ZBTB7C: variants seen among roughly 807,000 people sequenced by gnomAD.
ZBTB7C encodes zinc finger and BTB domain-containing protein 7C.
A neutral mutation model predicts 25.7 loss-of-function variants in ZBTB7C; 8 were observed. The ratio of observed to expected loss-of-function variants is 0.31; its 90% CI spans 0.18 to 0.56. The LOEUF (loss-of-function observed/expected upper bound fraction) is 0.56. Among genes scored for constraint, ZBTB7C ranks in the 20% least tolerant of loss-of-function variants. ZBTB7C has a pLI of 0.91. For missense variants in ZBTB7C, 824 were observed against 855.2 expected (o/e 0.96, Z 0.46); for synonymous variants, 394 against 369.0 (o/e 1.07, Z -0.78).
chr18:48,299,724 T>C (rs2045495934), intron 2 of ZBTB7C, among the ~76,000 whole-genome samples: 1 of 152,190 alleles, frequency 6.6e-6, no homozygotes, highest in South Asian at 2.1e-4. Flanking sequence ...GATGGGAATA[T>C]GCCAGGCAGA....
chr18:48,230,404 C>T (rs970926128), intron 2 of ZBTB7C, among the ~76,000 whole-genome samples: 7 of 152,140 alleles, frequency 4.6e-5, no homozygotes, highest in East Asian at 3.9e-4. Context: ...AGCTCTCAGA[C>T]GGAATCCCTG....
At position 48,030,129 on chromosome 18, in the gene ZBTB7C, C is replaced by T. The variant is rs555935406; in HGVS notation, c.1209-218G>A. On this transcript the variant is annotated intron_variant, in intron 4 of 4. Transcript: ENST00000590800. ...AAAGGGATGCGGAAAAAGCAGTGTC[C>T]TGAAAGCCCCACTCCCCCAAACTCC... Among the ~76,000 whole-genome samples the T allele has an allele frequency of 7.9e-5, 12 of 152,274 alleles. 1 individual carries two copies. The highest frequency in any genetic ancestry group is 3.4e-3 in the Middle Eastern group (1 of 294).
intron 3 of ZBTB7C, among the ~76,000 whole-genome samples, chr18:48,066,346 G>A (rs2037329292): frequency 6.6e-6 from 1 of 152,242 alleles, no homozygotes; most frequent in African/African-American, 2.4e-5. Context: ...GTGCTGCCAA[G>A]CCCTGGGGGG....
intron 1 of ZBTB7C, among the ~76,000 whole-genome samples, chr18:48,355,562 T>C (rs2046959800): frequency 1.3e-5 from 2 of 152,156 alleles, no homozygotes; most frequent in South Asian, 4.1e-4. Context: ...GCAGACCTGC[T>C]CGGGGCTTCC....
At chr18:48,294,238 A>C (rs7245161) in intron 2 of ZBTB7C, among the ~76,000 whole-genome samples, 1 of 152,108 alleles carries the variant, frequency 6.6e-6, no homozygotes, top group Admixed American at 6.5e-5. Flanking sequence ...CGGAAGGCAC[A>C]ATGGGCAGAT....
chr18:48,151,499 C>T lies in ZBTB7C; in HGVS notation c.-17+34435G>A, dbSNP rs1402379545. On this transcript the variant is annotated intron_variant, in intron 3 of 4. Transcript: ENST00000590800. ...TTCAAAAGAGTCCGTCTCACCACAGCGCTGCCAGCATTTCAGTCTCCTCAC... is the reference window on the plus strand; with the variant it reads ...TTCAAAAGAGTCCGTCTCACCACAGTGCTGCCAGCATTTCAGTCTCCTCAC... Among the ~76,000 whole-genome samples, 7 of 152,166 alleles carry T rather than the reference C, an allele frequency of 4.6e-5. No individual in the cohort carries two copies. The South Asian group carries it at 1.0e-3, about 23-fold the overall frequency.
rs542565330 is a variant in ZBTB7C at position 48,136,923 on chromosome 18, C to G, written c.-17+49011G>C. 94 of 960,810 alleles carry G rather than the reference C, an allele frequency of 9.8e-5. No individual in the cohort carries two copies. The African/African-American group carries it at 1.5e-3, about 15-fold the overall frequency. The allele number at this position is 960,810 out of a possible 1,614,324, so 59.5% of individuals were successfully genotyped here. On this transcript the variant is annotated intron_variant, in intron 3 of 4. Coordinates refer to ENST00000590800, the MANE Select transcript of ZBTB7C (RefSeq NM_001318841.2). The stretch of plus-strand genomic sequence containing the variant: ...GGCCGCCCGGAAGGGCTTCCTCCCC[C>G]ACCCCCTCCCCACGGCCCGGCCGCT...
chr18:48,189,217 C>A (rs1438464748), intron 2 of ZBTB7C, among the ~76,000 whole-genome samples: 1 of 152,208 alleles, frequency 6.6e-6, no homozygotes, highest in Non-Finnish European at 1.5e-5. Context: ...CGCTCAGTTC[C>A]TTCCAGTCAC....
chr18:48,046,369 C>T (rs779643042), intron 3 of ZBTB7C, among the ~76,000 whole-genome samples: 10 of 152,162 alleles, frequency 6.6e-5, no homozygotes, highest in Non-Finnish European at 1.5e-4. Context: ...CTCACAAAGC[C>T]ACCCTGTAGG....
chr18:48,074,473 G>A (rs2037681728), intron 3 of ZBTB7C, among the ~76,000 whole-genome samples: 3 of 152,228 alleles, frequency 2.0e-5, no homozygotes, highest in South Asian at 4.1e-4. Flanking sequence ...CTCAGCAGAC[G>A]ACTGTCATAG....
intron 1 of ZBTB7C, among the ~76,000 whole-genome samples, chr18:48,407,977 A>C (rs1393359220): frequency 6.6e-6 from 1 of 152,068 alleles, no homozygotes; most frequent in Non-Finnish European, 1.5e-5. Context: ...AAGCCACCGG[A>C]CTTCTCGGAG....
intron 3 of ZBTB7C, among the ~76,000 whole-genome samples, chr18:48,089,932 C>A (rs1202377986): frequency 6.6e-6 from 1 of 152,210 alleles, no homozygotes; most frequent in African/African-American, 2.4e-5. Context: ...CCCTTCATAG[C>A]GTTCCTCTCT....
intron 1 of ZBTB7C, among the ~76,000 whole-genome samples, chr18:48,357,015 G>GA (rs915335758): frequency 6.6e-6 from 1 of 152,212 alleles, no homozygotes; most frequent in African/African-American, 2.4e-5. Flanking sequence ...GCCTGAGACA[G>GA]GACTCCTCCC....
chr18:48,115,123 C>G (rs1277139890), intron 3 of ZBTB7C, among the ~76,000 whole-genome samples: 1 of 152,138 alleles, frequency 6.6e-6, no homozygotes, highest in Middle Eastern at 3.2e-3. Context: ...TACTTTATCT[C>G]TATGAATTTG....
chr18:48,296,174 AC>A (rs966033561), intron 2 of ZBTB7C, among the ~76,000 whole-genome samples: 3 of 150,380 alleles, frequency 2.0e-5, no homozygotes, highest in East Asian at 4.0e-4. Flanking sequence ...ACCTCTCACC[AC>A]CCCCCACCAC....
At chr18:48,161,230 CG>C (rs1415504547) in intron 3 of ZBTB7C, among the ~76,000 whole-genome samples, 1 of 151,090 alleles carries the variant, frequency 6.6e-6, no homozygotes, top group Non-Finnish European at 1.5e-5. Flanking sequence ...GCCTGGGGGA[CG>C]GGGGCAGGGA....
At chr18:48,308,644 G>A (rs1341525182) in intron 2 of ZBTB7C, among the ~76,000 whole-genome samples, 1 of 152,212 alleles carries the variant, frequency 6.6e-6, no homozygotes, top group Non-Finnish European at 1.5e-5. Flanking sequence ...CTTCAATAAG[G>A]GTTTCTAAGC....
chr18:48,222,074 T>A (rs2042978036), intron 2 of ZBTB7C, among the ~76,000 whole-genome samples: 1 of 149,910 alleles, frequency 6.7e-6, no homozygotes, highest in African/African-American at 2.4e-5. Context: ...CTAGACCCCC[T>A]CTATACTATC....
At chr18:48,182,171 C>T (rs560550875) in intron 3 of ZBTB7C, among the ~76,000 whole-genome samples, 34 of 150,864 alleles carry the variant, frequency 2.3e-4, no homozygotes, top group African/African-American at 8.0e-4. Flanking sequence ...ACTTCTTGAA[C>T]GGAAATGAGA....
Sources: gnomAD v4.1 joint callset for allele counts (sites outside exome capture counted in the v4.1 genomes callset) on GRCh38, gnomAD v4.1.1 for gene constraint, MANE v1.5 for transcripts, NCBI Gene and HGNC (gene_info 2026-07-23, HGNC 2026-07-21) for gene names.